SATB2: variants seen among roughly 807,000 people sequenced by gnomAD.
The protein encoded by SATB2 is SATB homeobox 2, also known as DNA-binding protein SATB2.
A neutral mutation model predicts 73.4 loss-of-function variants in SATB2; 1 was observed. The ratio of observed to expected loss-of-function variants is 0.01; its 90% confidence interval spans 0.00 to 0.06. The LOEUF (loss-of-function observed/expected upper bound fraction) is 0.06. Among genes scored for constraint, SATB2 ranks in the 10% least tolerant of loss-of-function variants. SATB2 has a pLI of 1.00. For synonymous variants in SATB2, 397 were observed against 367.0 expected (o/e 1.08, Z -0.93); for missense variants, 459 against 945.8 (o/e 0.49, Z 6.75).
chr2:199,285,933 T>C (rs1692675638), intron 10 of SATB2, among the ~76,000 whole-genome samples: 2 of 151,484 alleles, frequency 1.3e-5, no homozygotes, highest in South Asian at 4.2e-4. Flanking sequence ...ACACTGTGTA[T>C]GTTTTTAATG....
chr2:199,430,516 G>A (rs546573101), intron 3 of SATB2, among the ~76,000 whole-genome samples: 41 of 152,228 alleles, frequency 2.7e-4, no homozygotes, highest in Non-Finnish European at 4.1e-4. Flanking sequence ...GGAGGTTATG[G>A]GTCAGCTAGA....
chr2:199,380,786 G>A (rs1353505036), intron 4 of SATB2, among the ~76,000 whole-genome samples: 1 of 152,210 alleles, frequency 6.6e-6, no homozygotes, highest in Non-Finnish European at 1.5e-5. Flanking sequence ...TGGCATGGCA[G>A]TGTGGTTATA....
chr2:199,374,266 C>T (rs964573154), intron 5 of SATB2, among the ~76,000 whole-genome samples: 4 of 152,164 alleles, frequency 2.6e-5, no homozygotes, highest in Middle Eastern at 3.2e-3. Context: ...GACAGAGCTG[C>T]TTCAAAAACA....
chr2:199,277,214 C>A (rs972728896), intron 10 of SATB2, among the ~76,000 whole-genome samples: 3 of 152,126 alleles, frequency 2.0e-5, no homozygotes, highest in African/African-American at 7.2e-5. Flanking sequence ...AGATAGCCTT[C>A]TGGGATGTTG....
At chr2:199,404,013 A>T (rs1690561871) in intron 3 of SATB2, among the ~76,000 whole-genome samples, 1 of 152,218 alleles carries the variant, frequency 6.6e-6, no homozygotes, top group Non-Finnish European at 1.5e-5. Context: ...AGACACCAGG[A>T]ACAAATGAGC....
In SATB2 at chr2:199,275,835, C is replaced by A. The variant is rs183648416; in HGVS notation, c.1741-3163G>T. On this transcript the variant is annotated intron_variant, in intron 10 of 10. Coordinates refer to ENST00000417098, the MANE Select transcript of SATB2 (RefSeq NM_001172509.2). The stretch of plus-strand genomic sequence containing the variant: ...TCAAAACAGTGAATGTCCAAATGGG[C>A]ATCTCTAAAGTGAAACTGTCTTACA... Among the ~76,000 whole-genome samples, 10 of 152,236 alleles carry A rather than the reference C, an allele frequency of 6.6e-5. No individual in the cohort carries two copies. In the East Asian group the frequency reaches 1.5e-3, roughly 24 times the overall value.
intron 3 of SATB2, among the ~76,000 whole-genome samples, chr2:199,394,246 T>C (rs1690234593): frequency 6.6e-6 from 1 of 152,142 alleles, no homozygotes. Flanking sequence ...ATAAACCACA[T>C]AAATAAATAA....
At chr2:199,363,789 T>C (rs1689206272) in intron 6 of SATB2, among the ~76,000 whole-genome samples, 1 of 152,172 alleles carries the variant, frequency 6.6e-6, no homozygotes, top group South Asian at 2.1e-4. Context: ...TAAGTAAATA[T>C]GTATACAATA....
intron 7 of SATB2, among the ~76,000 whole-genome samples, chr2:199,330,852 G>A (rs1688168739): frequency 6.6e-6 from 1 of 152,082 alleles, no homozygotes; most frequent in South Asian, 2.1e-4. Flanking sequence ...GATAAATTCT[G>A]CATATAAAGG....
At chr2:199,352,076 C>T (rs1688834604) in intron 6 of SATB2, among the ~76,000 whole-genome samples, 1 of 152,094 alleles carries the variant, frequency 6.6e-6, no homozygotes, top group Non-Finnish European at 1.5e-5. Flanking sequence ...TTTCACCCAT[C>T]TTGGCCAGGC....
At position 199,349,145 on chromosome 2, in the gene SATB2, T is replaced by C; in HGVS notation, c.729A>G (p.Ser243=). The C allele has an allele frequency of 6.2e-7, 1 of 1,613,744 alleles. No homozygotes were observed. The highest frequency in any genetic ancestry group is 8.5e-7 in the Non-Finnish European group (1 of 1,179,818). The change falls in exon 7 of 11, where the codon TCA becomes TCG. Residue 243 remains serine (S), a synonymous_variant. Transcript: ENST00000417098. ...GACGCTGGCCCAGAACACAATAGTC[T>C]GAAAGGTTTTCTCGTTCCACTCTTT... ...KVERVERENL[S]DYCVLGQRPM...
At chr2:199,431,454 T>C (rs1442353000) in intron 3 of SATB2, among the ~76,000 whole-genome samples, 1 of 152,190 alleles carries the variant, frequency 6.6e-6, no homozygotes, top group Admixed American at 6.5e-5. Context: ...TGCTTACCTA[T>C]AAAATAAAGT....
chr2:199,466,253 C>T (rs1692590930), upstream of SATB2, among the ~76,000 whole-genome samples: 1 of 152,210 alleles, frequency 6.6e-6, no homozygotes, highest in African/African-American at 2.4e-5. Flanking sequence ...CACTGGAGCA[C>T]CTGACCCTAC....
chr2:199,431,220 T>C (rs1691492081), intron 3 of SATB2, among the ~76,000 whole-genome samples: 1 of 152,222 alleles, frequency 6.6e-6, no homozygotes, highest in South Asian at 2.1e-4. Flanking sequence ...ATCCAGCATA[T>C]GAATTACCTG....
intron 3 of SATB2, among the ~76,000 whole-genome samples, chr2:199,387,414 C>T (rs962674709): frequency 6.6e-6 from 1 of 152,198 alleles, no homozygotes; most frequent in African/African-American, 2.4e-5. Context: ...CAGGTGACAT[C>T]ACAGTCCCAG....
At chr2:199,338,736 G>A (rs1688412814) in intron 7 of SATB2, among the ~76,000 whole-genome samples, 1 of 151,870 alleles carries the variant, frequency 6.6e-6, no homozygotes. Context: ...GGGCAACATG[G>A]TGAAACCCCA....
At chr2:199,410,914 T>A (rs989154382) in intron 3 of SATB2, among the ~76,000 whole-genome samples, 27 of 152,318 alleles carry the variant, frequency 1.8e-4, no homozygotes, top group East Asian at 3.9e-4. Flanking sequence ...AAGTTTTTTT[T>A]AAAACCATAA....
upstream of SATB2, chr2:199,458,121 G>A (rs1692347442): frequency 6.5e-6 from 1 of 154,828 alleles, no homozygotes; most frequent in Admixed American, 6.9e-5. Context: ...GGAAGTCTCT[G>A]GATTATTTCG....
chr2:199,361,585 C>G (rs1339540959), intron 6 of SATB2, among the ~76,000 whole-genome samples: 2 of 150,984 alleles, frequency 1.3e-5, no homozygotes, highest in African/African-American at 2.4e-5. Flanking sequence ...CTAGGGGAAT[C>G]ATTCGTAAAA....
Sources: gnomAD v4.1 joint callset for allele counts (sites outside exome capture counted in the v4.1 genomes callset) on GRCh38, gnomAD v4.1.1 for gene constraint, MANE v1.5 for transcripts, NCBI Gene and HGNC (gene_info 2026-07-23, HGNC 2026-07-21) for gene names.